Variants in PRB3 observed in about 807,000 individuals in gnomAD.
PRB3 encodes basic salivary proline-rich protein 3.
A neutral mutation model predicts 10.0 loss-of-function variants in PRB3; 9 were observed. The observed-to-expected ratio is 0.90, with a 90% CI of 0.54 to 1.57. The LOEUF (loss-of-function observed/expected upper bound fraction) is 1.57. Among genes scored for constraint, PRB3 ranks in the 40% most tolerant of loss-of-function variants. The pLI is 0.00. For missense variants in PRB3, 285 were observed against 385.5 expected, an observed-to-expected ratio of 0.74 and a Z score of 2.18; for synonymous variants, 89 against 138.6, an observed-to-expected ratio of 0.64 and a Z score of 2.52.
In PRB3 at chr12:11,267,914, C is replaced by A. The variant is rs762319417; in HGVS notation, c.335G>T (p.Gly112Val). The A allele has an allele frequency of 1.3e-6, 2 of 1,537,646 alleles. No individual in the cohort carries two copies. Among genetic ancestry groups the A allele is most frequent in the East Asian group, 2.3e-5 (1 of 43,198 alleles). Residue 112 changes from glycine (G) to valine (V), a missense_variant, in exon 3 of 4, where the codon GGT becomes GTT. By Grantham distance (109) the Gly-to-Val change is moderately radical. Coordinates refer to ENST00000538488, the MANE Select transcript of PRB3 (RefSeq NM_001394862.1). ...QPPQGGNQSQ[G>V]PPPRPGKPEG... Reference sequence around the variant, plus strand: ...TGGCTTTCCCGGACGAGGTGGGGGACCTTGGGACTGGTTTCCTCCTTGTGG... The same window carrying A: ...TGGCTTTCCCGGACGAGGTGGGGGAACTTGGGACTGGTTTCCTCCTTGTGG...
At chr12:11,267,106 T>A (rs1379458883) in intron 3 of PRB3, 70 bp downstream of exon 3, 7 of 1,427,498 alleles carry the variant, frequency 4.9e-6, no homozygotes, top group Non-Finnish European at 5.9e-6. Context: ...TTTAGTTGAT[T>A]CATTGGCACA....
chr12:11,269,399 T>A (rs985281339), intron 1 of PRB3, among the ~76,000 whole-genome samples: 5 of 152,220 alleles, frequency 3.3e-5, no homozygotes, highest in Non-Finnish European at 7.3e-5. Context: ...ATTCCCCTGG[T>A]ACAAATTCTT....
chr12:11,267,172 A>G lies in PRB3; in HGVS notation c.*17+4T>C. ...ACTTGGTGAAGAATAAACTGGAATC[A>G]TACCTGTCATTGAACCTTGATTACT... On this transcript the variant is annotated splice_donor_region_variant and intron_variant, in intron 3 of 3. Coordinates refer to ENST00000538488, the MANE Select transcript of PRB3 (RefSeq NM_001394862.1). The G allele has an allele frequency of 1.3e-6, 2 of 1,594,614 alleles. No individual in the cohort carries two copies. Among genetic ancestry groups the G allele is most frequent in the African/African-American group, 2.7e-5 (2 of 74,552 alleles).
At chr12:11,267,088 A>C (rs1307234158) in intron 3 of PRB3, 88 bp downstream of exon 3, 8 of 1,303,734 alleles carry the variant, frequency 6.1e-6, no homozygotes, top group Middle Eastern at 1.8e-4. Flanking sequence ...ATACAATGTC[A>C]ATGGGTTTTT....
Position 11,267,229 on chromosome 12 carries a change from T to C in PRB3, c.1020A>G (p.Arg340=). The C allele has an allele frequency of 1.9e-6, 3 of 1,614,100 alleles. No homozygotes were observed. The highest frequency in any genetic ancestry group is 1.1e-5 in the South Asian group (1 of 91,066). The change falls in exon 3 of 4, where the codon AGA becomes AGG. Residue 340 remains arginine, a synonymous_variant. Transcript: ENST00000538488. ...GCTGTCCCTGGGGAGGTCTGTGTGG[T>C]CTGCCCCCTTGAGGAGGTGGAGGTG... ...QGPPPPPQGG[R]PHRPPQGQPP... is the part of the protein sequence containing the mutation.
In PRB3 at chr12:11,267,706, T is replaced by C. The variant is rs2077000907; in HGVS notation, c.543A>G (p.Gly181=). The C allele has an allele frequency of 6.7e-7, 1 of 1,498,992 alleles. No individual in the cohort carries two copies. The highest frequency in any genetic ancestry group is 8.9e-7 in the Non-Finnish European group (1 of 1,127,512). The allele number at this position is 1,498,992 out of a possible 1,614,324, so 92.9% of individuals were successfully genotyped here. ...NQSQGPPPHP[G]KPEGPPPQGG... ...CTTGTGGGGGTGGTCCTTCTGGCTT[T>C]CCCGGATGAGGCGGGGGACCTTGGG... Residue 181 remains glycine, a synonymous_variant, in exon 3 of 4, where the codon GGA becomes GGG. Coordinates refer to ENST00000538488, the MANE Select transcript of PRB3 (RefSeq NM_001394862.1).
chr12:11,267,236 C>A lies in PRB3; in HGVS notation c.1013G>T (p.Gly338Val), dbSNP rs1351733431. The change falls in exon 3 of 4, where the codon GGG becomes GTG. Residue 338 changes from glycine to valine, a missense_variant. By Grantham distance (109) the Gly-to-Val change is moderately radical (BLOSUM62 -3). This residue lies in a region of PRB3 where 108 missense variants were observed against 106.9 expected (regional missense o/e 1.01). Transcript: ENST00000538488. ...KPQGPPPPPQ[G>V]GRPHRPPQGQ... ...CTGGGGAGGTCTGTGTGGTCTGCCC[C>A]CTTGAGGAGGTGGAGGTGGTCCCTG... is the stretch of plus-strand genomic sequence containing the variant. The A allele has an allele frequency of 6.2e-7, 1 of 1,614,036 alleles. No individual in the cohort carries two copies.
chr12:11,266,513 A>G (rs1948588453), intron 3 of PRB3, among the ~76,000 whole-genome samples: 1 of 152,214 alleles, frequency 6.6e-6, no homozygotes, highest in Non-Finnish European at 1.5e-5. Context: ...TTTTTAAATG[A>G]CTACCATATA....
chr12:11,267,251 G>T lies in PRB3; in HGVS notation c.998C>A (p.Pro333His), dbSNP rs766154813. ...TGGTCTGCCCCCTTGAGGAGGTGGAGGTGGTCCCTGGGGCTTTCCAGCGGG... is the reference window on the plus strand; with the variant it reads ...TGGTCTGCCCCCTTGAGGAGGTGGATGTGGTCCCTGGGGCTTTCCAGCGGG... Reference protein sequence around the residue: ...PPPAGKPQGPPPPPQGGRPHR... With the variant: ...PPPAGKPQGPHPPPQGGRPHR... The change falls in exon 3 of 4, where the codon CCT becomes CAT. Residue 333 changes from proline (P) to histidine (H), a missense_variant. Transcript: ENST00000538488. 26 of 1,613,876 alleles carry T rather than the reference G, an allele frequency of 1.6e-5. No individual in the cohort carries two copies. Among genetic ancestry groups the T allele is most frequent in the Non-Finnish European group, 2.2e-5 (26 of 1,179,932 alleles).
intron 1 of PRB3, among the ~76,000 whole-genome samples, chr12:11,269,315 A>C (rs1033921720): frequency 9.2e-5 from 14 of 152,176 alleles, no homozygotes; most frequent in Admixed American, 6.5e-4. Flanking sequence ...ACTTTCCTGA[A>C]TCTGCCTTGC....
chr12:11,268,597 A>G (rs771543071), intron 2 of PRB3, 36 bp downstream of exon 2: 2 of 1,576,378 alleles, frequency 1.3e-6, no homozygotes, highest in Non-Finnish European at 1.7e-6. Context: ...GCAGAAGAAG[A>G]TAGTTAAAAC....
In PRB3 at chr12:11,269,599, G is replaced by T; in HGVS notation, c.64+7C>A. Reference sequence around the variant, plus strand: ...AGTCACCACATCTTCTCCTCCTTCTGTCTTACCTTCATTTAAGCTCTGAGC... The same window carrying T: ...AGTCACCACATCTTCTCCTCCTTCTTTCTTACCTTCATTTAAGCTCTGAGC... On this transcript the variant is annotated splice_region_variant and intron_variant, in intron 1 of 3. Transcript: ENST00000538488. 6.2e-7 allele frequency: 1 copy of T among 1,613,870 alleles called. No homozygotes were observed. The highest frequency in any genetic ancestry group is 2.2e-5 in the East Asian group (1 of 44,880).
intron 3 of PRB3, 114 bp from the exon 4 acceptor site, chr12:11,266,143 A>G (rs550442284): frequency 9.5e-5 from 37 of 390,010 alleles, no homozygotes; most frequent in South Asian, 4.3e-4. Flanking sequence ...TCTCTCCCCA[A>G]TCCCTTCAAC....
In PRB3 at chr12:11,268,618, T is replaced by C. The variant is rs1214195477; in HGVS notation, c.100+15A>G. 1.2e-6 allele frequency: 2 copies of C among 1,601,220 alleles called. No homozygotes were observed. The highest frequency in any genetic ancestry group is 1.3e-5 in the African/African-American group (1 of 74,526). On this transcript the variant is annotated intron_variant, in intron 2 of 3. Transcript: ENST00000538488. ...GAAGATAGTTAAAACAGATTGAGAG[T>C]GAATTGGGATTTACCTGATATTACG...
chr12:11,266,122 A>C, intron 3 of PRB3, 93 bp from the exon 4 acceptor site: 10 of 426,716 alleles, frequency 2.3e-5, no homozygotes, highest in Non-Finnish European at 2.8e-5. Context: ...AGAGTACATG[A>C]GATCCCATCC....
chr12:11,268,639 T>G lies in PRB3; in HGVS notation c.94A>C (p.Ile32Leu). The G allele has an allele frequency of 1.2e-6, 2 of 1,611,686 alleles. No individual in the cohort carries two copies. The highest frequency in any genetic ancestry group is 2.2e-5 in the South Asian group (2 of 91,014). Residue 32 changes from isoleucine to leucine, a missense_variant, in exon 2 of 4, where the codon ATA (isoleucine) becomes CTA (leucine). Ile to Leu is a conservative substitution (Grantham distance 5). This residue lies in a region of PRB3 where 147 missense variants were observed against 129.4 expected (regional missense o/e 1.14). Transcript: ENST00000538488. ...DVSQEESPSV[I>L]SGKPEGRRPQ... Reference sequence around the variant, plus strand: ...AGAGTGAATTGGGATTTACCTGATATTACGGAGGGAGATTCTTCCTGGCTG... The same window carrying G: ...AGAGTGAATTGGGATTTACCTGATAGTACGGAGGGAGATTCTTCCTGGCTG...
chr12:11,266,848 T>C (rs1948591732), intron 3 of PRB3, among the ~76,000 whole-genome samples: 1 of 152,144 alleles, frequency 6.6e-6, no homozygotes, highest in Non-Finnish European at 1.5e-5. Flanking sequence ...GAGCAAACAG[T>C]GCTCAGGTGA....
chr12:11,268,251 T>A, intron 2 of PRB3, 103 bp from the exon 3 acceptor site: 2 of 1,565,924 alleles, frequency 1.3e-6, no homozygotes, highest in South Asian at 2.3e-5. Flanking sequence ...CAGACACTAA[T>A]TTCTTTGCAT....
chr12:11,268,281 C>G, intron 2 of PRB3, 133 bp from the exon 3 acceptor site: 1 of 1,458,092 alleles, frequency 6.9e-7, no homozygotes. Context: ...AGCTCTAGAA[C>G]TCTGGAGTGG....
Sources: gnomAD v4.1 joint callset for allele counts (sites outside exome capture counted in the v4.1 genomes callset) on GRCh38, gnomAD v4.1.1 for gene constraint, gnomAD v4.1.1 regional missense constraint, MANE v1.5 for transcripts, NCBI Gene and HGNC (gene_info 2026-07-23, HGNC 2026-07-21) for gene names.